Variants in HEMK2 observed in about 807,000 individuals in gnomAD.
The protein encoded by HEMK2 is methyltransferase HEMK2.
At chr21:28,811,439 C>T in the HEMK2 span, among the ~76,000 whole-genome samples, 1 of 109,524 alleles carries the variant, frequency 9.1e-6, no homozygotes, top group Non-Finnish European at 1.7e-5. Flanking sequence ...GAGAGAGGGA[C>T]GGACGCAGGG....
chr21:28,868,305 G>A, the HEMK2 span, among the ~76,000 whole-genome samples: 1 of 152,152 alleles, frequency 6.6e-6, no homozygotes, highest in East Asian at 1.9e-4. Context: ...TTTACTGTAA[G>A]TATAGGAACA....
the HEMK2 span, among the ~76,000 whole-genome samples, chr21:28,666,181 T>C: frequency 6.6e-6 from 1 of 152,198 alleles, no homozygotes; most frequent in Non-Finnish European, 1.5e-5. Flanking sequence ...TGTTTCCATT[T>C]GTCTCAGCTT....
At chr21:28,776,897 A>G in the HEMK2 span, among the ~76,000 whole-genome samples, 29 of 152,180 alleles carry the variant, frequency 1.9e-4, no homozygotes, top group African/African-American at 5.5e-4. Flanking sequence ...GTACCCTCCC[A>G]GATTGAGGGT....
At chr21:28,609,667 A>T in the HEMK2 span, among the ~76,000 whole-genome samples, 1 of 151,420 alleles carries the variant, frequency 6.6e-6, no homozygotes, top group Non-Finnish European at 1.5e-5. Flanking sequence ...AAAAAAAGAT[A>T]TAGGATATGA....
chr21:28,657,785 G>A, the HEMK2 span, among the ~76,000 whole-genome samples: 8 of 152,076 alleles, frequency 5.3e-5, no homozygotes, highest in South Asian at 1.7e-3. Context: ...AAATAACTTA[G>A]CACAACAATG....
the HEMK2 span, among the ~76,000 whole-genome samples, chr21:28,709,148 C>A: frequency 1.3e-5 from 2 of 152,146 alleles, no homozygotes; most frequent in Non-Finnish European, 2.9e-5. Context: ...GTGACCTAAT[C>A]GCCACCCAAA....
chr21:28,710,416 TAC>T, the HEMK2 span, among the ~76,000 whole-genome samples: 214 of 152,344 alleles, frequency 1.4e-3, 1 homozygote, highest in African/African-American at 4.7e-3. Flanking sequence ...ACCTCTTTTT[TAC>T]TTTAAAATGC....
At chr21:28,637,163 T>C in the HEMK2 span, among the ~76,000 whole-genome samples, 1 of 152,204 alleles carries the variant, frequency 6.6e-6, no homozygotes, top group Non-Finnish European at 1.5e-5. Context: ...TTTCTGTACA[T>C]AGACTGACTC....
the HEMK2 span, among the ~76,000 whole-genome samples, chr21:28,660,985 G>C: frequency 6.6e-6 from 1 of 151,882 alleles, no homozygotes; most frequent in Non-Finnish European, 1.5e-5. Context: ...CTAGAAATAG[G>C]TCCATTTCTT....
chr21:28,590,040 T>A, the HEMK2 span, among the ~76,000 whole-genome samples: 1 of 152,222 alleles, frequency 6.6e-6, no homozygotes, highest in Non-Finnish European at 1.5e-5. Context: ...TAAAATGGCA[T>A]GTATGGAGGC....
chr21:28,788,621 C>T, the HEMK2 span, among the ~76,000 whole-genome samples: 2 of 151,308 alleles, frequency 1.3e-5, no homozygotes, highest in Non-Finnish European at 2.9e-5. Flanking sequence ...CAAATCATCA[C>T]TACCAAGAAC....
chr21:28,724,158 T>G, the HEMK2 span, among the ~76,000 whole-genome samples: 4 of 152,248 alleles, frequency 2.6e-5, no homozygotes, highest in Non-Finnish European at 5.9e-5. Flanking sequence ...TGAGAGTTAT[T>G]AACGTGCTTT....
At chr21:28,817,471 C>A in the HEMK2 span, among the ~76,000 whole-genome samples, 1 of 152,144 alleles carries the variant, frequency 6.6e-6, no homozygotes, top group Admixed American at 6.5e-5. Context: ...CAAGTGATCT[C>A]TCCATGATAG....
At chr21:28,850,390 A>C in the HEMK2 span, among the ~76,000 whole-genome samples, 2 of 151,934 alleles carry the variant, frequency 1.3e-5, no homozygotes, top group Non-Finnish European at 2.9e-5. Context: ...ACGCCCGGCT[A>C]ATTTTTTGTA....
At chr21:28,602,918 T>A in the HEMK2 span, among the ~76,000 whole-genome samples, 1 of 152,204 alleles carries the variant, frequency 6.6e-6, no homozygotes. Flanking sequence ...CTTGTATCCC[T>A]TTTGCCATTT....
chr21:28,593,196 CA>C, the HEMK2 span, among the ~76,000 whole-genome samples: 2 of 151,136 alleles, frequency 1.3e-5, no homozygotes, highest in Admixed American at 6.6e-5. Flanking sequence ...GACTTTGTCT[CA>C]AAAAAAATAC....
the HEMK2 span, among the ~76,000 whole-genome samples, chr21:28,844,243 G>A: frequency 6.6e-6 from 1 of 151,976 alleles, no homozygotes; most frequent in South Asian, 2.1e-4. Flanking sequence ...ATCCTCAACA[G>A]TGGCTGATGG....
chr21:28,700,749 T>C, the HEMK2 span, among the ~76,000 whole-genome samples: 1 of 152,108 alleles, frequency 6.6e-6, no homozygotes. Context: ...ATTGAAGCTA[T>C]TTCAGAAAAT....
At chr21:28,723,268 A>G in the HEMK2 span, among the ~76,000 whole-genome samples, 6 of 152,114 alleles carry the variant, frequency 3.9e-5, no homozygotes, top group African/African-American at 1.4e-4. Context: ...CTTCCATCTC[A>G]GCCTCCTAAA....
Sources: allele counts gnomAD v4.1 joint callset (sites outside exome capture counted in the v4.1 genomes callset), GRCh38; gene constraint gnomAD v4.1.1; transcripts MANE v1.5; gene names NCBI Gene and HGNC (gene_info 2026-07-23, HGNC 2026-07-21).